The following EPB41L4A variants were observed in gnomAD, a reference collection of about 807,000 sequenced individuals.
The protein encoded by EPB41L4A is erythrocyte membrane protein band 4.1 like 4A.
A neutral mutation model predicts 108.6 loss-of-function variants in EPB41L4A; 100 were observed. The observed-to-expected ratio is 0.92, with a 90% confidence interval of 0.78 to 1.09. The LOEUF is 1.09. EPB41L4A is among the 50% of genes least tolerant of loss of function. EPB41L4A has a pLI of 0.00. For synonymous variants in EPB41L4A, 319 were observed against 289.0 expected (o/e 1.10, Z -1.05); for missense variants, 1,030 against 842.7 (o/e 1.22, Z -2.75).
chr5:112,237,550 C>T (rs1310099114), intron 11 of EPB41L4A, among the ~76,000 whole-genome samples: 1 of 152,168 alleles, frequency 6.6e-6, no homozygotes, highest in African/African-American at 2.4e-5. Flanking sequence ...CATTCATACA[C>T]TGCAGCCACC....
intron 18 of EPB41L4A, among the ~76,000 whole-genome samples, chr5:112,177,521 C>G (rs936693345): frequency 6.6e-6 from 1 of 152,274 alleles, no homozygotes; most frequent in Non-Finnish European, 1.5e-5. Flanking sequence ...GAGATTAAGC[C>G]ATGGACATAT....
intron 1 of EPB41L4A, among the ~76,000 whole-genome samples, chr5:112,395,025 G>A (rs976352205): frequency 6.6e-6 from 1 of 152,190 alleles, no homozygotes; most frequent in African/African-American, 2.4e-5. Flanking sequence ...ATGGTGCTGG[G>A]AAAACTGGCT....
chr5:112,228,649 T>C (rs1207399039), intron 12 of EPB41L4A: 3 of 942,256 alleles, frequency 3.2e-6, no homozygotes, highest in East Asian at 1.2e-4. Context: ...TATCCAAATA[T>C]TCTGTCTTCA....
At chr5:112,372,830 A>C (rs1274708148) in intron 1 of EPB41L4A, among the ~76,000 whole-genome samples, 1 of 152,182 alleles carries the variant, frequency 6.6e-6, no homozygotes, top group Non-Finnish European at 1.5e-5. Context: ...AACAGATAGG[A>C]GATTGTTACA....
exon 14 of EPB41L4A, chr5:112,143,812 G>A (rs1316370595): frequency 2.2e-6 from 1 of 450,750 alleles, no homozygotes; most frequent in Non-Finnish European, 4.5e-6. Context: ...CAGCCAAGGA[G>A]GTGGGGCTCT....
rs746998069 is a variant in EPB41L4A, at chr5:112,194,643, G to A, written c.1427C>T (p.Ser476Leu). 8.8e-6 allele frequency: 14 copies of A among 1,593,350 alleles called. No homozygotes were observed. Among genetic ancestry groups the A allele is most frequent in the Non-Finnish European group, 1.2e-5 (14 of 1,171,888 alleles). Residue 476 changes from serine to leucine, a missense_variant and splice_region_variant, in exon 17 of 23, where the codon TCA (serine) becomes TTA (leucine). By Grantham distance (145) the Ser-to-Leu change is moderately radical. Coordinates refer to ENST00000261486, the MANE Select transcript of EPB41L4A (RefSeq NM_022140.5). ...EDSDLKQRRRSRSRCNTSSGS... is the reference protein window; with the variant it reads ...EDSDLKQRRRLRSRCNTSSGS... Reference sequence around the variant, plus strand: ...ACTGCTGGTGTTACAGCGTGAACGTGACCTGAAGACAAAAAGGTAAGAACA... The same window carrying A: ...ACTGCTGGTGTTACAGCGTGAACGTAACCTGAAGACAAAAAGGTAAGAACA...
chr5:112,178,412 TAAAA>T (rs916166870), intron 18 of EPB41L4A, among the ~76,000 whole-genome samples: 1 of 150,770 alleles, frequency 6.6e-6, no homozygotes, highest in Non-Finnish European at 1.5e-5. Flanking sequence ...GATGAAGAAA[TAAAA>T]AAAAAGACAC....
chr5:112,370,119 G>A (rs1427761153), intron 1 of EPB41L4A, among the ~76,000 whole-genome samples: 6 of 152,018 alleles, frequency 3.9e-5, no homozygotes, highest in Non-Finnish European at 8.8e-5. Flanking sequence ...CAGCCTCCCG[G>A]GCACAAGCAA....
At chr5:112,419,933 C>T, upstream of EPB41L4A, 1 of 455,560 alleles carries the variant, frequency 2.2e-6, no homozygotes, top group South Asian at 1.6e-5. Context: ...GAGGCGGGGA[C>T]CTGCGGGCGG....
chr5:112,145,835 T>C (rs777440511), intron 13 of EPB41L4A: 3 of 443,510 alleles, frequency 6.8e-6, no homozygotes, highest in South Asian at 4.8e-5. Flanking sequence ...TATCAATCTA[T>C]TAAATAGCTA....
intron 3 of EPB41L4A, among the ~76,000 whole-genome samples, chr5:112,277,627 T>C (rs1183491461): frequency 1.3e-5 from 2 of 152,158 alleles, no homozygotes; most frequent in East Asian, 3.9e-4. Flanking sequence ...AAAAGTTTGC[T>C]ATCATCTAGG....
At chr5:112,342,611 C>G (rs1030167305) in intron 1 of EPB41L4A, among the ~76,000 whole-genome samples, 13 of 152,124 alleles carry the variant, frequency 8.5e-5, no homozygotes, top group African/African-American at 3.1e-4. Flanking sequence ...TGTTCCTAGT[C>G]GAGCAAGAGC....
intron 1 of EPB41L4A, among the ~76,000 whole-genome samples, chr5:112,343,688 CA>C (rs1757463789): frequency 6.6e-6 from 1 of 151,798 alleles, no homozygotes; most frequent in Admixed American, 6.6e-5. Flanking sequence ...CAAACCTTCA[CA>C]AAATAATCTA....
intron 1 of EPB41L4A, among the ~76,000 whole-genome samples, chr5:112,345,789 A>T (rs950453906): frequency 3.4e-5 from 2 of 58,612 alleles, no homozygotes; most frequent in African/African-American, 8.9e-5. Flanking sequence ...ATACACACAC[A>T]CACACACACA....
At chr5:112,285,551 A>G (rs1164294106) in intron 2 of EPB41L4A, among the ~76,000 whole-genome samples, 6 of 152,130 alleles carry the variant, frequency 3.9e-5, no homozygotes, top group Admixed American at 1.3e-4. Flanking sequence ...CTCAAGTAAA[A>G]CCACCATAAT....
At chr5:112,144,354 G>A (rs1324872021) in intron 13 of EPB41L4A, among the ~76,000 whole-genome samples, 4 of 152,184 alleles carry the variant, frequency 2.6e-5, no homozygotes, top group East Asian at 1.9e-4. Flanking sequence ...GTGCAATCAC[G>A]GCTCACTGCA....
At chr5:112,376,473 G>A (rs9885211) in intron 1 of EPB41L4A, among the ~76,000 whole-genome samples, 9,822 of 152,212 alleles carry the variant, frequency 0.065, 675 homozygotes, top group African/African-American at 0.18. Context: ...ACAGTTTGGC[G>A]GTTTCTTAAG....
intron 17 of EPB41L4A, among the ~76,000 whole-genome samples, chr5:112,193,343 C>T (rs576261196): frequency 6.6e-6 from 1 of 152,218 alleles, no homozygotes; most frequent in Admixed American, 6.5e-5. Context: ...TCTCTTGCTG[C>T]CAGGCTGGAG....
At chr5:112,293,165 A>T (rs114913159) in intron 2 of EPB41L4A, among the ~76,000 whole-genome samples, 1 of 152,178 alleles carries the variant, frequency 6.6e-6, no homozygotes, top group African/African-American at 2.4e-5. Context: ...TAGTTTTGTT[A>T]TTAAGTACTT....
Sources: allele counts gnomAD v4.1 joint callset (sites outside exome capture counted in the v4.1 genomes callset), GRCh38; gene constraint gnomAD v4.1.1; transcripts MANE v1.5; gene names NCBI Gene and HGNC (gene_info 2026-07-23, HGNC 2026-07-21).